The following BNC2 variants were observed in gnomAD, a reference collection of about 807,000 sequenced individuals.
BNC2 encodes the protein zinc finger protein basonuclin-2.
Under a neutral mutation model 76.3 loss-of-function variants are expected in BNC2, and 20 were observed. The observed-to-expected ratio is 0.26, with a 90% CI of 0.18 to 0.38. BNC2 has a LOEUF of 0.38. BNC2 is among the 10% of genes least tolerant of loss of function. BNC2 has a pLI of 1.00. For synonymous variants in BNC2, 582 were observed against 514.8 expected (o/e 1.13, Z -1.77); for missense variants, 1,382 against 1,399.8 (o/e 0.99, Z 0.20).
At chr9:16,732,169 A>G (rs1031888812) in intron 2 of BNC2, among the ~76,000 whole-genome samples, 1 of 143,762 alleles carries the variant, frequency 7.0e-6, no homozygotes, top group South Asian at 2.1e-4. Context: ...AAAAAAAAAG[A>G]AAAAGAAACA....
At chr9:16,628,559 G>A (rs1010784352) in intron 3 of BNC2, among the ~76,000 whole-genome samples, 1 of 152,162 alleles carries the variant, frequency 6.6e-6, no homozygotes, top group African/African-American at 2.4e-5. Flanking sequence ...GGAAACAGGG[G>A]GAGGAACGGC....
chr9:16,492,492 T>C (rs563026692), intron 5 of BNC2, among the ~76,000 whole-genome samples: 4 of 152,338 alleles, frequency 2.6e-5, no homozygotes, highest in Non-Finnish European at 1.5e-5. Flanking sequence ...TTGGTCCTGG[T>C]TGTGAAAACA....
At chr9:16,564,221 G>T (rs1819101166) in intron 4 of BNC2, among the ~76,000 whole-genome samples, 1 of 152,190 alleles carries the variant, frequency 6.6e-6, no homozygotes, top group Admixed American at 6.5e-5. Context: ...CTTGCTGTAA[G>T]ATATTCGTAA....
At chr9:16,865,152 AC>A (rs1819513678) in intron 1 of BNC2, among the ~76,000 whole-genome samples, 1 of 152,114 alleles carries the variant, frequency 6.6e-6, no homozygotes, top group African/African-American at 2.4e-5. Context: ...TGTAATAAAC[AC>A]AAAAAAGCAG....
At chr9:16,598,008 G>T (rs1820142528) in intron 3 of BNC2, among the ~76,000 whole-genome samples, 1 of 152,012 alleles carries the variant, frequency 6.6e-6, no homozygotes, top group African/African-American at 2.4e-5. Context: ...TGATGAAAGA[G>T]ACCCTATGTG....
intron 3 of BNC2, among the ~76,000 whole-genome samples, chr9:16,608,482 A>G (rs760923879): frequency 6.6e-6 from 1 of 152,154 alleles, no homozygotes; most frequent in Non-Finnish European, 1.5e-5. Context: ...CTTAGACAAA[A>G]TAAGCATTTA....
chr9:16,706,405 A>C (rs910087274), intron 3 of BNC2, among the ~76,000 whole-genome samples: 1 of 152,252 alleles, frequency 6.6e-6, no homozygotes, highest in South Asian at 2.1e-4. Flanking sequence ...CTTGAGCTAC[A>C]GCCAGGTGAG....
At chr9:16,670,447 T>A (rs368507554) in intron 3 of BNC2, among the ~76,000 whole-genome samples, 1 of 152,302 alleles carries the variant, frequency 6.6e-6, no homozygotes, top group East Asian at 1.9e-4. Context: ...CCCAAAGTGC[T>A]GGGATTACAA....
intron 3 of BNC2, among the ~76,000 whole-genome samples, chr9:16,681,921 G>A (rs544097687): frequency 6.6e-6 from 1 of 152,142 alleles, no homozygotes; most frequent in Non-Finnish European, 1.5e-5. Context: ...TGAAAGAGGG[G>A]GTTGGGGGAC....
chr9:16,776,634 A>G (rs1825975195), intron 1 of BNC2, among the ~76,000 whole-genome samples: 1 of 152,246 alleles, frequency 6.6e-6, no homozygotes, highest in Non-Finnish European at 1.5e-5. Flanking sequence ...ATTGTAATGC[A>G]TAATACAAAC....
intron 1 of BNC2, among the ~76,000 whole-genome samples, chr9:16,825,634 G>C (rs928188414): frequency 6.6e-6 from 1 of 151,904 alleles, no homozygotes; most frequent in African/African-American, 2.4e-5. Flanking sequence ...AGGAGGGGAG[G>C]GTCACCCAAA....
intron 5 of BNC2, among the ~76,000 whole-genome samples, chr9:16,536,426 T>C (rs1818132058): frequency 6.6e-6 from 1 of 152,234 alleles, no homozygotes; most frequent in Non-Finnish European, 1.5e-5. Context: ...AGTCAATCAC[T>C]AATAAGCTGA....
intron 1 of BNC2, among the ~76,000 whole-genome samples, chr9:16,823,534 CA>C (rs1020915507): frequency 6.6e-6 from 1 of 150,672 alleles, no homozygotes; most frequent in African/African-American, 2.4e-5. Flanking sequence ...GCCTGGGAGG[CA>C]GAGGTTGCAG....
At chr9:16,705,671 CTTTG>C (rs1176992707) in intron 3 of BNC2, among the ~76,000 whole-genome samples, 4 of 147,774 alleles carry the variant, frequency 2.7e-5, no homozygotes, top group East Asian at 1.9e-4. Flanking sequence ...TTTTTCCCTC[CTTTG>C]TTTGTTTTGG....
intron 1 of BNC2, among the ~76,000 whole-genome samples, chr9:16,794,163 A>G (rs1483561047): frequency 6.6e-6 from 1 of 152,086 alleles, no homozygotes; most frequent in Non-Finnish European, 1.5e-5. Context: ...CAGGCTGGCC[A>G]AGAAGGTCCA....
intron 3 of BNC2, among the ~76,000 whole-genome samples, chr9:16,711,578 T>C (rs1162097338): frequency 6.6e-6 from 1 of 152,236 alleles, no homozygotes; most frequent in East Asian, 1.9e-4. Context: ...ACTATAGTGA[T>C]ACTTTGTTTT....
chr9:16,523,252 A>G (rs1817677143), intron 5 of BNC2, among the ~76,000 whole-genome samples: 1 of 151,726 alleles, frequency 6.6e-6, no homozygotes, highest in Non-Finnish European at 1.5e-5. Context: ...TGGGTGGATC[A>G]TGAAGTCAGG....
rs111424196 is a variant in BNC2 at position 16,757,066 on chromosome 9, T to C, written c.4-18581A>G. 1.6e-4 allele frequency among the ~76,000 whole-genome samples: 10 copies of C among 62,914 alleles called. 1 individual carries two copies. The highest frequency in any genetic ancestry group is 3.5e-4 in the African/African-American group (10 of 28,500). 41.3% of individuals were successfully genotyped at this position (62,914 alleles called of 152,430 possible). On this transcript the variant is annotated intron_variant, in intron 1 of 6. Transcript: ENST00000380672. ...AGTGCCCTGTACTACTTTCCAACAC[T>C]AGTAATTACTTAATTTCTTTCTTAT...
rs1820597938 is a variant in BNC2, at chr9:16,417,026, T to C, written c.*1963A>G. The C allele has an allele frequency of 6.6e-6, 1 of 152,542 alleles. No individual in the cohort carries two copies. The highest frequency in any genetic ancestry group is 6.5e-5 in the Admixed American group (1 of 15,278). 9.4% of individuals were successfully genotyped at this position (152,542 alleles called of 1,614,324 possible). A position where few individuals can be genotyped will look rare whatever the true frequency, so the allele number is the denominator to read the frequency against. ...GGGATATTTCTAACTTTTAGACTGA[T>C]GAAAGAAATGTCTGAGGCCATTAAA... On this transcript the variant is annotated 3_prime_UTR_variant, in exon 7 of 7. Coordinates refer to ENST00000380672, the MANE Select transcript of BNC2 (RefSeq NM_017637.6).
Sources: gnomAD v4.1 joint callset for allele counts (sites outside exome capture counted in the v4.1 genomes callset) on GRCh38, gnomAD v4.1.1 for gene constraint, MANE v1.5 for transcripts, NCBI Gene and HGNC (gene_info 2026-07-23, HGNC 2026-07-21) for gene names.